MED12L: variants seen among roughly 807,000 people sequenced by gnomAD.
MED12L encodes mediator of RNA polymerase II transcription subunit 12-like protein.
Under a neutral mutation model 281.3 loss-of-function variants are expected in MED12L, and 60 were observed. That is an observed-to-expected ratio of 0.21 (90% CI 0.17 to 0.26). The LOEUF (loss-of-function observed/expected upper bound fraction) is 0.26, where lower values mean the gene tolerates loss of function less well. MED12L is among the 10% of genes least tolerant of loss of function. The pLI, the probability that MED12L is intolerant of heterozygous loss-of-function variation, is 1.00. For synonymous variants in MED12L, 974 were observed against 987.2 expected (o/e 0.99, Z 0.25); for missense variants, 2,146 against 2,680.9 (o/e 0.80, Z 4.41).
intron 16 of MED12L, among the ~76,000 whole-genome samples, chr3:151,313,516 A>G (rs531015596): frequency 6.2e-4 from 93 of 151,150 alleles, no homozygotes; most frequent in African/African-American, 2.2e-3. Flanking sequence ...GGATAATAGT[A>G]ATTTATACCT....
At chr3:151,259,053 T>C (rs112168339) in intron 16 of MED12L, among the ~76,000 whole-genome samples, 382 of 152,322 alleles carry the variant, frequency 2.5e-3, no homozygotes, top group African/African-American at 8.8e-3. Flanking sequence ...TCAAATTTAA[T>C]TTTTAAACGC....
intron 16 of MED12L, among the ~76,000 whole-genome samples, chr3:151,290,337 T>C (rs1189223617): frequency 6.6e-6 from 1 of 152,224 alleles, no homozygotes; most frequent in Non-Finnish European, 1.5e-5. Context: ...GGATGACTTT[T>C]TTTTAAATCA....
At chr3:151,323,657 G>T (rs769094950) in intron 16 of MED12L, among the ~76,000 whole-genome samples, 13 of 152,150 alleles carry the variant, frequency 8.5e-5, no homozygotes, top group Non-Finnish European at 1.6e-4. Flanking sequence ...CATGTGGAAT[G>T]AATTGCCTAT....
chr3:151,321,507 TA>T (rs1304626411), intron 16 of MED12L, among the ~76,000 whole-genome samples: 4 of 152,180 alleles, frequency 2.6e-5, no homozygotes, highest in Non-Finnish European at 5.9e-5. Flanking sequence ...ATAAAGCTAA[TA>T]TTTTTTTTAA....
chr3:151,152,319 C>A (rs1455206823), intron 5 of MED12L, among the ~76,000 whole-genome samples: 1 of 151,944 alleles, frequency 6.6e-6, no homozygotes, highest in Admixed American at 6.5e-5. Context: ...CCAGGCTGGC[C>A]TCAAACTCCT....
intron 16 of MED12L, chr3:151,328,788 A>C: frequency 6.2e-7 from 1 of 1,614,002 alleles, no homozygotes; most frequent in South Asian, 1.1e-5. Flanking sequence ...GTCATTATCA[A>C]GTCGGCCACC....
At chr3:151,165,390 A>C (rs376148788) in intron 9 of MED12L, 30 bp from the exon 10 acceptor site, 3 of 1,577,858 alleles carry the variant, frequency 1.9e-6, no homozygotes, top group African/African-American at 1.3e-5. Context: ...CATTCCAAGC[A>C]CAAGTTAATT....
intron 16 of MED12L, 48 bp from the exon 17 acceptor site, chr3:151,350,011 C>T: frequency 1.3e-6 from 2 of 1,580,568 alleles, no homozygotes; most frequent in Non-Finnish European, 1.7e-6. Context: ...TGAAATGCAA[C>T]CCCACCCCTG....
intron 19 of MED12L, 139 bp downstream of exon 19, chr3:151,356,178 T>C (rs753841936): frequency 5.9e-6 from 5 of 844,478 alleles, no homozygotes; most frequent in Non-Finnish European, 8.7e-6. Context: ...GGTAGGAGGA[T>C]TGCTTGAATC....
intron 20 of MED12L, among the ~76,000 whole-genome samples, chr3:151,358,567 T>C (rs1207727896): frequency 6.6e-6 from 1 of 150,850 alleles, no homozygotes; most frequent in Non-Finnish European, 1.5e-5. Context: ...ACAAGTTTTT[T>C]TGTTTTTGTT....
chr3:151,362,138 C>A (rs576427056), intron 21 of MED12L, among the ~76,000 whole-genome samples: 5 of 151,974 alleles, frequency 3.3e-5, no homozygotes, highest in African/African-American at 1.2e-4. Context: ...CTCTCTTTAC[C>A]GCTGTGGATA....
chr3:151,188,381 GAGA>G lies in MED12L; in HGVS notation c.1657_1659del (p.Lys553del), dbSNP rs1723542492. ...ATGTGGTGAATCAGAAGTCTTAGAT[GAGA>G]AGGAGTCTATTTCTTCATCCTCTCT... On this transcript the variant is annotated inframe_deletion, in exon 13 of 45. Transcript: ENST00000687756. 1.2e-6 allele frequency: 2 copies of G among 1,608,320 alleles called. No individual in the cohort carries two copies. Among genetic ancestry groups the G allele is most frequent in the South Asian group, 2.2e-5 (2 of 90,916 alleles).
At chr3:151,367,318 G>T (rs536929578) in intron 23 of MED12L, among the ~76,000 whole-genome samples, 11 of 152,178 alleles carry the variant, frequency 7.2e-5, no homozygotes, top group African/African-American at 2.6e-4. Context: ...ATATCTTGTT[G>T]CAGTCTGCCA....
chr3:151,353,908 G>A (rs962874600), intron 17 of MED12L, among the ~76,000 whole-genome samples: 10 of 152,060 alleles, frequency 6.6e-5, no homozygotes, highest in African/African-American at 1.7e-4. Flanking sequence ...TTGGGAGGCC[G>A]AGGCGGGCGG....
chr3:151,377,957 G>GT (rs1711530357), intron 30 of MED12L, 55 bp from the exon 31 acceptor site: 2 of 1,484,374 alleles, frequency 1.3e-6, no homozygotes, highest in East Asian at 4.8e-5. Context: ...TGTTATAACT[G>GT]TGAGAGCAGG....
At chr3:151,317,436 CT>C (rs1164820615) in intron 16 of MED12L, among the ~76,000 whole-genome samples, 744 of 58,272 alleles carry the variant, frequency 0.013, no homozygotes, top group Middle Eastern at 0.028. Flanking sequence ...AATCATATCA[CT>C]TTTTTTTTTT....
At chr3:151,386,341 A>T (rs1008690406) in intron 36 of MED12L, among the ~76,000 whole-genome samples, 13 of 152,208 alleles carry the variant, frequency 8.5e-5, no homozygotes, top group African/African-American at 3.1e-4. Flanking sequence ...ATTAGGAAAC[A>T]GTCAATTTAC....
chr3:151,265,143 C>T (rs1739596140), intron 16 of MED12L, among the ~76,000 whole-genome samples: 2 of 152,176 alleles, frequency 1.3e-5, no homozygotes, highest in South Asian at 4.1e-4. Flanking sequence ...GTCGCCAGCA[C>T]CTAGAGCAGT....
chr3:151,407,900 G>C (rs1560133879), intron 39 of MED12L, among the ~76,000 whole-genome samples: 2 of 152,174 alleles, frequency 1.3e-5, no homozygotes, highest in African/African-American at 4.8e-5. Flanking sequence ...GGGCTTAACT[G>C]TCTTAGGTAT....
Sources: allele counts gnomAD v4.1 joint callset (sites outside exome capture counted in the v4.1 genomes callset), GRCh38; gene constraint gnomAD v4.1.1; transcripts MANE v1.5; gene names NCBI Gene and HGNC (gene_info 2026-07-23, HGNC 2026-07-21).